The following NOVA2 variants were observed in gnomAD, a reference collection of about 807,000 sequenced individuals.
NOVA2 encodes the protein NOVA alternative splicing regulator 2, also known as RNA-binding protein Nova-2.
A neutral mutation model predicts 22.5 loss-of-function variants in NOVA2; 9 were observed. The ratio of observed to expected loss-of-function variants is 0.40; its 90% CI spans 0.24 to 0.70. NOVA2 has a LOEUF of 0.70. NOVA2 is among the 30% of genes least tolerant of loss of function. The probability of loss-of-function intolerance (pLI) is 0.38; values close to 1 mark genes in which losing one functional copy is unlikely to be tolerated. For synonymous variants in NOVA2, 318 were observed against 335.2 expected, an observed-to-expected ratio of 0.95 and a Z score of 0.56; for missense variants, 383 against 682.8, an observed-to-expected ratio of 0.56 and a Z score of 4.89.
At chr19:45,970,636 A>G (rs1004867050) in intron 1 of NOVA2, among the ~76,000 whole-genome samples, 1 of 152,128 alleles carries the variant, frequency 6.6e-6, no homozygotes, top group Non-Finnish European at 1.5e-5. Context: ...TCAGCCTATC[A>G]AAGTGCTGGG....
intron 3 of NOVA2, among the ~76,000 whole-genome samples, chr19:45,953,492 C>T (rs1396422404): frequency 6.6e-6 from 1 of 152,140 alleles, no homozygotes; most frequent in Non-Finnish European, 1.5e-5. Context: ...AGAAGAGGAA[C>T]TAGAGAATCC....
intron 2 of NOVA2, among the ~76,000 whole-genome samples, chr19:45,954,416 C>T (rs982968214): frequency 2.6e-5 from 4 of 152,188 alleles, no homozygotes; most frequent in African/African-American, 9.7e-5. Context: ...AGCCCACCCC[C>T]AGGGGGACGA....
At chr19:45,952,008 AC>A (rs1266720226) in intron 3 of NOVA2, among the ~76,000 whole-genome samples, 1 of 152,112 alleles carries the variant, frequency 6.6e-6, no homozygotes, top group Non-Finnish European at 1.5e-5. Context: ...GGCTTTTGTT[AC>A]CTTTTTCAAT....
chr19:45,967,230 T>G (rs1956055357), intron 1 of NOVA2, among the ~76,000 whole-genome samples: 1 of 152,144 alleles, frequency 6.6e-6, no homozygotes, highest in Non-Finnish European at 1.5e-5. Context: ...ACATCTTTTC[T>G]GTTTGGGGAA....
intron 2 of NOVA2, among the ~76,000 whole-genome samples, chr19:45,960,025 T>G (rs768980650): frequency 6.9e-6 from 1 of 145,120 alleles, no homozygotes; most frequent in African/African-American, 2.6e-5. Context: ...GGGAGGGAGA[T>G]AGGGAGAGGT....
At position 45,939,226 on chromosome 19, in the gene NOVA2, T is replaced by C. The variant is rs2146404979; in HGVS notation, c.*637A>G. 1 of 152,344 alleles carries C rather than the reference T, an allele frequency of 6.6e-6. No homozygotes were observed. Among genetic ancestry groups the C allele is most frequent in the Middle Eastern group, 3.4e-3 (1 of 292 alleles). The allele number at this position is 152,344 out of a possible 1,614,324, so 9.4% of individuals were successfully genotyped here. ...CAACAAAAGAGTGAACATTCCCACC[T>C]AGGAGGGACAGCTCCAGTGGGAGGA... On this transcript the variant is annotated 3_prime_UTR_variant, in exon 4 of 4. Transcript: ENST00000263257.
In NOVA2 at chr19:45,934,345, ACT is replaced by A. The variant is rs1389277826; in HGVS notation, c.*5516_*5517del. On this transcript the variant is annotated 3_prime_UTR_variant, in exon 4 of 4. Coordinates refer to ENST00000263257, the MANE Select transcript of NOVA2 (RefSeq NM_002516.4). Reference sequence around the variant, plus strand: ...GGGAAGAGAGGTTCTAGCTCCTCTGACTCCACCATTATCTCACTGAGGCTCCT... The same window carrying A: ...GGGAAGAGAGGTTCTAGCTCCTCTGACCACCATTATCTCACTGAGGCTCCT... The A allele has an allele frequency of 6.6e-6, 1 of 151,872 alleles. No homozygotes were observed. The highest frequency in any genetic ancestry group is 2.4e-5 in the African/African-American group (1 of 41,268). 9.4% of individuals were successfully genotyped at this position (151,872 alleles called of 1,614,324 possible). A position where few individuals can be genotyped will look rare whatever the true frequency, so the allele number is the denominator to read the frequency against.
chr19:45,973,239 C>T (rs1394440165), intron 1 of NOVA2, 28 bp downstream of exon 1: 1 of 1,413,172 alleles, frequency 7.1e-7, no homozygotes, highest in Non-Finnish European at 9.4e-7. Context: ...TGCCCGCTCC[C>T]CCGCCCCGAG....
At position 45,973,266 on chromosome 19, in the gene NOVA2, C is replaced by T; in HGVS notation, c.85+1G>A. ...CGCCCCGAGCCGCAGCCCTTTCTCACCTCCCGTGTTGCTGCGCTTGGTGCA... is the reference window on the plus strand; with the variant it reads ...CGCCCCGAGCCGCAGCCCTTTCTCATCTCCCGTGTTGCTGCGCTTGGTGCA... On this transcript the variant is annotated splice_donor_variant, in intron 1 of 3. Coordinates refer to ENST00000263257, the MANE Select transcript of NOVA2 (RefSeq NM_002516.4). LOFTEE classifies it high-confidence loss of function. The T allele has an allele frequency of 6.9e-7, 1 of 1,459,768 alleles. No homozygotes were observed. 90.4% of individuals were successfully genotyped at this position (1,459,768 alleles called of 1,614,324 possible).
At chr19:45,962,428 C>CA (rs2146423758) in intron 1 of NOVA2, 1 of 152,868 alleles carries the variant, frequency 6.5e-6, no homozygotes, top group East Asian at 1.9e-4. Flanking sequence ...CCACGGTCAT[C>CA]ACCAGCCCAA....
At chr19:45,973,221 A>G in intron 1 of NOVA2, 46 bp downstream of exon 1, 1 of 1,150,232 alleles carries the variant, frequency 8.7e-7, no homozygotes, top group Admixed American at 2.8e-5. Context: ...GAGAAAGGCG[A>G]GGCCCCCTGC....
Position 45,939,731 on chromosome 19 carries a change from T to C in NOVA2, c.*132A>G. ...TGACTACCAGAAGGGGAGGGTGCAG[T>C]CGGGCCTACCCCAGCCCCATCCCAA... On this transcript the variant is annotated 3_prime_UTR_variant, in exon 4 of 4. Coordinates refer to ENST00000263257, the MANE Select transcript of NOVA2 (RefSeq NM_002516.4). The C allele has an allele frequency of 8.6e-7, 1 of 1,161,126 alleles. No homozygotes were observed. 71.9% of individuals were successfully genotyped at this position (1,161,126 alleles called of 1,614,324 possible).
At chr19:45,967,626 G>A (rs946929914) in intron 1 of NOVA2, 8 of 152,136 alleles carry the variant, frequency 5.3e-5, no homozygotes, top group African/African-American at 1.2e-4. Context: ...TAGTCACTGA[G>A]TCTCTGCTCT....
At chr19:45,970,244 G>A (rs760092091) in intron 1 of NOVA2, among the ~76,000 whole-genome samples, 2 of 152,136 alleles carry the variant, frequency 1.3e-5, no homozygotes, top group Non-Finnish European at 1.5e-5. Flanking sequence ...CTGCAGTATC[G>A]TAAGTCTAGC....
chr19:45,940,661 G>C lies in NOVA2; in HGVS notation c.681C>G (p.Thr227=). Reference sequence around the variant, plus strand: ...CCGCGGGGCTGGCGTACGGAGAGCCGGTGGGGTTGGAGTTGGCCACGGGGC... The same window carrying C: ...CCGCGGGGCTGGCGTACGGAGAGCCCGTGGGGTTGGAGTTGGCCACGGGGC... ...VAGPVANSNP[T]GSPYASPADV... Residue 227 remains threonine, a synonymous_variant, in exon 4 of 4, where the codon ACC becomes ACG. Coordinates refer to ENST00000263257, the MANE Select transcript of NOVA2 (RefSeq NM_002516.4). The C allele has an allele frequency of 1.3e-6, 2 of 1,579,670 alleles. No individual in the cohort carries two copies. Among genetic ancestry groups the C allele is most frequent in the South Asian group, 1.1e-5 (1 of 87,814 alleles).
chr19:45,959,821 G>GGAGAGAGAGAGAGAGAGAGA (rs146270704), intron 2 of NOVA2, among the ~76,000 whole-genome samples: 21 of 136,628 alleles, frequency 1.5e-4, no homozygotes, highest in East Asian at 2.1e-4. Context: ...AGACAGAGAG[G>GGAGAGAGAGAGAGAGAGAGA]GAGAGAGAGA....
chr19:45,952,842 G>A (rs919137568), intron 3 of NOVA2, among the ~76,000 whole-genome samples: 1 of 152,202 alleles, frequency 6.6e-6, no homozygotes, highest in African/African-American at 2.4e-5. Context: ...ATTTCCCCAT[G>A]AGCTTAGGGG....
chr19:45,955,174 G>T (rs1600609353), intron 2 of NOVA2, among the ~76,000 whole-genome samples: 1 of 152,106 alleles, frequency 6.6e-6, no homozygotes, highest in East Asian at 1.9e-4. Flanking sequence ...TTTGAGACTG[G>T]ATGGCAGTGT....
rs1328470065 is a variant in NOVA2 at position 45,939,435 on chromosome 19, TC to T, written c.*427del. 1 of 100,680 alleles carries T rather than the reference TC, an allele frequency of 9.9e-6. No homozygotes were observed. Among genetic ancestry groups the T allele is most frequent in the East Asian group, 3.3e-4 (1 of 2,988 alleles). 6.2% of individuals were successfully genotyped at this position (100,680 alleles called of 1,614,324 possible). A position where few individuals can be genotyped will look rare whatever the true frequency, so the allele number is the denominator to read the frequency against. ...GTGACCCAGAGGCTCCCTCCCCTCC[TC>T]CCATATGGAAACAAAAACTTATAAA... On this transcript the variant is annotated 3_prime_UTR_variant, in exon 4 of 4. Coordinates refer to ENST00000263257, the MANE Select transcript of NOVA2 (RefSeq NM_002516.4).
Sources: allele counts gnomAD v4.1 joint callset (sites outside exome capture counted in the v4.1 genomes callset), GRCh38; gene constraint gnomAD v4.1.1; transcripts MANE v1.5; gene names NCBI Gene and HGNC (gene_info 2026-07-23, HGNC 2026-07-21).